The following MEGF11 variants were observed in gnomAD, a reference collection of about 807,000 sequenced individuals.
The protein encoded by MEGF11 is multiple epidermal growth factor-like domains protein 11.
Under a neutral mutation model 146.6 loss-of-function variants are expected in MEGF11, and 126 were observed. That is an observed-to-expected ratio of 0.86 (90% CI 0.74 to 1.00). MEGF11 has a LOEUF of 1.00. MEGF11 is among the 50% of genes least tolerant of loss of function. The pLI is 0.00. For synonymous variants in MEGF11, 532 were observed against 583.4 expected (o/e 0.91, Z 1.27); for missense variants, 1,509 against 1,521.2 (o/e 0.99, Z 0.13).
intron 13 of MEGF11, among the ~76,000 whole-genome samples, chr15:65,923,644 A>G (rs1167439044): frequency 6.6e-6 from 1 of 152,214 alleles, no homozygotes; most frequent in Non-Finnish European, 1.5e-5. Context: ...TCTCTGTACT[A>G]TGATGTATTC....
chr15:66,243,768 C>T (rs974335375), intron 1 of MEGF11, among the ~76,000 whole-genome samples: 3 of 152,082 alleles, frequency 2.0e-5, no homozygotes, highest in Admixed American at 2.0e-4. Context: ...AGGGGAAGGA[C>T]AGGTTCCAAG....
chr15:65,989,315 G>A (rs772376015), intron 5 of MEGF11, among the ~76,000 whole-genome samples: 4 of 152,186 alleles, frequency 2.6e-5, no homozygotes, highest in Non-Finnish European at 5.9e-5. Flanking sequence ...GAACCTGGAA[G>A]CCACTGCCCC....
intron 5 of MEGF11, among the ~76,000 whole-genome samples, chr15:66,038,721 C>G (rs952754420): frequency 2.0e-5 from 3 of 152,158 alleles, no homozygotes; most frequent in African/African-American, 7.2e-5. Flanking sequence ...GGCTGAACCC[C>G]GGTTCTGCCT....
chr15:66,243,678 G>A (rs2092253025), intron 1 of MEGF11, among the ~76,000 whole-genome samples: 2 of 152,156 alleles, frequency 1.3e-5, no homozygotes, highest in South Asian at 4.1e-4. Context: ...CTCATCCTCT[G>A]CAGGAGGAGA....
chr15:65,949,070 AACAATT>A (rs55752385), intron 10 of MEGF11, among the ~76,000 whole-genome samples: 94,084 of 151,028 alleles, frequency 0.62, 29,742 homozygotes, highest in Admixed American at 0.68. Flanking sequence ...TGAAGAATGA[AACAATT>A]AGAAAAGAAA....
At chr15:65,908,897 C>T (rs1464498656) in intron 23 of MEGF11, 137 bp downstream of exon 23, 12 of 601,654 alleles carry the variant, frequency 2.0e-5, no homozygotes, top group Non-Finnish European at 3.3e-5. Flanking sequence ...AGCTGGTAGA[C>T]ATGTTGGGAG....
intron 10 of MEGF11, among the ~76,000 whole-genome samples, chr15:65,943,004 T>TTTTTA (rs2080060480): frequency 4.9e-5 from 4 of 81,928 alleles, no homozygotes; most frequent in Admixed American, 1.3e-4. Context: ...TTTTTTTTTT[T>TTTTTA]AACACGGAGT....
chr15:65,987,308 TAA>T (rs1049658298), intron 5 of MEGF11, among the ~76,000 whole-genome samples: 15 of 152,332 alleles, frequency 9.8e-5, no homozygotes, highest in African/African-American at 3.6e-4. Context: ...AGCCTGGGCT[TAA>T]ACAGCCACCC....
chr15:65,924,133 A>G (rs1203430988), intron 13 of MEGF11, among the ~76,000 whole-genome samples: 2 of 152,056 alleles, frequency 1.3e-5, no homozygotes, highest in Non-Finnish European at 2.9e-5. Context: ...AGTGGGACCA[A>G]TTTAGAGGCA....
At chr15:66,080,894 A>G (rs529309658) in intron 5 of MEGF11, among the ~76,000 whole-genome samples, 1 of 152,206 alleles carries the variant, frequency 6.6e-6, no homozygotes, top group Non-Finnish European at 1.5e-5. Context: ...GGGTCTGCGA[A>G]GGGCCGCGGG....
chr15:65,908,075 T>C (rs2078684606), intron 23 of MEGF11, among the ~76,000 whole-genome samples: 1 of 152,154 alleles, frequency 6.6e-6, no homozygotes, highest in African/African-American at 2.4e-5. Context: ...GGTGGGGTTA[T>C]TAAATGCCCT....
Position 66,024,877 on chromosome 15 carries a change from C to T in MEGF11, c.395-42389G>A, listed in dbSNP as rs762480921. On this transcript the variant is annotated intron_variant, in intron 5 of 25. Coordinates refer to ENST00000395614, the MANE Select transcript of MEGF11 (RefSeq NM_001385028.1). ...CAGCTCAGCTAAGAGAGGCCAGAGG[C>T]GAACTGGGTCCTGCTGAAAGTGGAC... Among the ~76,000 whole-genome samples, 6 of 152,072 alleles carry T rather than the reference C, an allele frequency of 3.9e-5. No homozygotes were observed. The East Asian group carries it at 5.8e-4, about 15-fold the overall frequency.
intron 8 of MEGF11, among the ~76,000 whole-genome samples, chr15:65,966,726 C>T (rs937824369): frequency 1.4e-4 from 22 of 152,074 alleles, no homozygotes; most frequent in Non-Finnish European, 2.8e-4. Context: ...TGGGCTAGTA[C>T]TTGGAGATCC....
At chr15:66,168,140 C>T (rs548708320) in intron 1 of MEGF11, among the ~76,000 whole-genome samples, 2 of 152,176 alleles carry the variant, frequency 1.3e-5, no homozygotes, top group Admixed American at 1.3e-4. Context: ...CCTGATGGAG[C>T]AACCTCACCT....
At chr15:66,144,588 C>T (rs1222651081) in intron 1 of MEGF11, among the ~76,000 whole-genome samples, 4 of 152,270 alleles carry the variant, frequency 2.6e-5, no homozygotes, top group South Asian at 4.2e-4. Flanking sequence ...AAGGGAAAGG[C>T]GACATCACTC....
intron 5 of MEGF11, among the ~76,000 whole-genome samples, chr15:66,062,293 T>C (rs1222899409): frequency 6.6e-6 from 1 of 152,238 alleles, no homozygotes; most frequent in Non-Finnish European, 1.5e-5. Flanking sequence ...GCAAAGATGA[T>C]GGGCTGTCCC....
intron 5 of MEGF11, among the ~76,000 whole-genome samples, chr15:66,002,403 A>G (rs1749002430): frequency 6.6e-6 from 1 of 152,172 alleles, no homozygotes; most frequent in Admixed American, 6.5e-5. Context: ...GCCCCAGACA[A>G]GTTTTTGCCT....
chr15:66,034,764 A>AC (rs1331845101), intron 5 of MEGF11, among the ~76,000 whole-genome samples: 14 of 152,120 alleles, frequency 9.2e-5, no homozygotes, highest in African/African-American at 2.9e-4. Flanking sequence ...TATGTGTTGG[A>AC]AACAATCCCT....
intron 5 of MEGF11, among the ~76,000 whole-genome samples, chr15:66,005,500 C>T (rs540174666): frequency 1.0e-3 from 158 of 152,262 alleles, no homozygotes; most frequent in African/African-American, 3.5e-3. Context: ...TGCAGTGGAA[C>T]GATCTCTCAA....
Sources: allele counts gnomAD v4.1 joint callset (sites outside exome capture counted in the v4.1 genomes callset), GRCh38; gene constraint gnomAD v4.1.1; transcripts MANE v1.5; gene names NCBI Gene and HGNC (gene_info 2026-07-23, HGNC 2026-07-21).